FAM83G: variants seen among roughly 807,000 people sequenced by gnomAD.
FAM83G encodes the protein protein FAM83G.
Under a neutral mutation model 61.5 loss-of-function variants are expected in FAM83G, and 38 were observed. The ratio of observed to expected loss-of-function variants is 0.62; its 90% CI spans 0.48 to 0.81. The LOEUF (loss-of-function observed/expected upper bound fraction) is 0.81. FAM83G is among the 30% of genes least tolerant of loss of function. The pLI is 0.00. For synonymous variants in FAM83G, 470 were observed against 476.1 expected (o/e 0.99, Z 0.17); for missense variants, 989 against 1,133.6 (o/e 0.87, Z 1.83).
chr17:18,992,205 C>T (rs562110461), intron 2 of FAM83G, among the ~76,000 whole-genome samples: 31 of 152,268 alleles, frequency 2.0e-4, no homozygotes, highest in East Asian at 5.8e-4. Context: ...GTGGATCCGC[C>T]GGCCTTCTCC....
chr17:18,976,664 C>T lies in FAM83G; in HGVS notation c.2082+920G>A, dbSNP rs2042987585. ...GTGTACCTCGGCTCTCGCTGCTTGGCCTGCTGAAGTGAGCTCTCCTGGTGG... is the reference window on the plus strand; with the variant it reads ...GTGTACCTCGGCTCTCGCTGCTTGGTCTGCTGAAGTGAGCTCTCCTGGTGG... On this transcript the variant is annotated intron_variant, in intron 5 of 5. Transcript: ENST00000388995. The T allele has an allele frequency of 1.0e-5, 7 of 675,746 alleles. No homozygotes were observed. In the South Asian group the frequency reaches 1.5e-4, roughly 15 times the overall value. The allele number at this position is 675,746 out of a possible 1,614,324, so 41.9% of individuals were successfully genotyped here.
At chr17:18,998,765 G>A (rs1350865785) in intron 2 of FAM83G, among the ~76,000 whole-genome samples, 2 of 152,258 alleles carry the variant, frequency 1.3e-5, no homozygotes, top group African/African-American at 4.8e-5. Flanking sequence ...TCTCTGACCT[G>A]TGGTGGGAGC....
At position 18,969,247 on chromosome 17, in the gene FAM83G, A is replaced by G; in HGVS notation, c.*2112T>C. 6.3e-7 allele frequency: 1 copy of G among 1,576,996 alleles called. No individual in the cohort carries two copies. Among genetic ancestry groups the G allele is most frequent in the Non-Finnish European group, 8.7e-7 (1 of 1,154,688 alleles). On this transcript the variant is annotated 3_prime_UTR_variant, in exon 6 of 6. Transcript: ENST00000388995. ...CCCTACAGGCCCGAGGGAGCAGCCC[A>G]GGAAGTGGCCCCAGCAGGAGCCCCA...
At chr17:18,990,340 G>T (rs2043383628) in intron 2 of FAM83G, among the ~76,000 whole-genome samples, 1 of 152,084 alleles carries the variant, frequency 6.6e-6, no homozygotes, top group South Asian at 2.1e-4. Context: ...GGGCAGGGGT[G>T]TGTGGTGGTA....
At position 19,003,841 on chromosome 17, in the gene FAM83G, G is replaced by A. The variant is rs778972949; in HGVS notation, c.201C>T (p.Ile67=). The A allele has an allele frequency of 2.5e-5, 40 of 1,612,902 alleles. No individual in the cohort carries two copies. The highest frequency in any genetic ancestry group is 3.3e-5 in the Non-Finnish European group (39 of 1,179,938). The part of the protein sequence containing the change: ...DFLSELELKR[I]LETIEVYDPG... Reference sequence around the variant, plus strand: ...GGTCGTACACCTCGATGGTCTCCAGGATGCGCTTGAGCTCCAGCTCCGAGA... The same window carrying A: ...GGTCGTACACCTCGATGGTCTCCAGAATGCGCTTGAGCTCCAGCTCCGAGA... Residue 67 remains isoleucine, a synonymous_variant, in exon 2 of 6, where the codon ATC becomes ATT. Transcript: ENST00000388995. This position sits in a 1 kb window ranked among gnomAD's most constrained non-coding sequence, Gnocchi z 4.5.
At chr17:18,980,455 C>T (rs910383706) in intron 3 of FAM83G, among the ~76,000 whole-genome samples, 1 of 152,166 alleles carries the variant, frequency 6.6e-6, no homozygotes, top group Non-Finnish European at 1.5e-5. Flanking sequence ...GCACAGCGGG[C>T]CCCTCAACTG....
Position 18,978,258 on chromosome 17 carries a change from G to A in FAM83G, c.1408C>T (p.Pro470Ser). 1.9e-6 allele frequency: 3 copies of A among 1,606,076 alleles called. No homozygotes were observed. The highest frequency in any genetic ancestry group is 2.6e-6 in the Non-Finnish European group (3 of 1,175,762). Reference protein sequence around the residue: ...QLWKQSQDSRPRPEPCPPPEP... With the variant: ...QLWKQSQDSRSRPEPCPPPEP... ...GGGGGAGGGCAAGGCTCTGGACGGG[G>A]CCTGCTGTCCTGGCTCTGCTTCCAC... Residue 470 changes from proline to serine, a missense_variant, in exon 5 of 6, where the codon CCC (proline) becomes TCC (serine). Physicochemically the swap from Pro to Ser is moderately conservative, Grantham distance 74. Around this residue, in one of 3 missense-constraint regions of FAM83G, gnomAD observed 574 missense variants for 645.1 expected, o/e 0.89. Transcript: ENST00000388995.
At position 18,979,572 on chromosome 17, in the gene FAM83G, G is replaced by T; in HGVS notation, c.792C>A (p.Asp264Glu). ...LAQKFMFVDG[D>E]RAVCGSYSFT... ...ACCTGTAGGAGCCGCACACAGCCCGGTCTCCATCCACAAACATGAACTTCT... is the reference window on the plus strand; with the variant it reads ...ACCTGTAGGAGCCGCACACAGCCCGTTCTCCATCCACAAACATGAACTTCT... The change falls in exon 4 of 6, where the codon GAC becomes GAA. Residue 264 changes from aspartate to glutamate, a missense_variant. Transcript: ENST00000388995. 1.9e-6 allele frequency: 3 copies of T among 1,613,418 alleles called. No homozygotes were observed. The highest frequency in any genetic ancestry group is 2.5e-6 in the Non-Finnish European group (3 of 1,179,992).
At chr17:18,978,905 A>G in intron 4 of FAM83G, 55 bp from the exon 5 acceptor site, 1 of 1,585,576 alleles carries the variant, frequency 6.3e-7, no homozygotes, top group Non-Finnish European at 8.6e-7. Flanking sequence ...TCCTCCGCCC[A>G]GCCCCCGTGC....
intron 3 of FAM83G, 94 bp downstream of exon 3, chr17:18,988,153 C>T: frequency 2.2e-5 from 34 of 1,520,118 alleles, no homozygotes; most frequent in Non-Finnish European, 2.7e-5. Flanking sequence ...TGGCACAGGA[C>T]TCCGTCCAGA....
rs779965346 is a variant in FAM83G at position 18,978,124 on chromosome 17, A to G, written c.1542T>C (p.Asp514=). Residue 514 remains aspartate (D), a synonymous_variant, in exon 5 of 6, where the codon GAT becomes GAC. Transcript: ENST00000388995. ...VPKPRTVPVA[D]VLARDSSDIG... ...TATCACTGCTGTCCCGGGCTAGTAC[A>G]TCTGCCACAGGGACTGTCCGGGGCT... The G allele has an allele frequency of 6.6e-7, 1 of 1,518,002 alleles. No individual in the cohort carries two copies. The highest frequency in any genetic ancestry group is 8.8e-7 in the Non-Finnish European group (1 of 1,138,044). The allele number at this position is 1,518,002 out of a possible 1,614,324, so 94.0% of individuals were successfully genotyped here. A position where few individuals can be genotyped will look rare whatever the true frequency, so the allele number is the denominator to read the frequency against.
At position 19,004,664 on chromosome 17, in the gene FAM83G, C is replaced by G. The variant is rs1291425996; in HGVS notation, c.-129+45G>C. ...AAACGCGGTTGCGGGGCGGCGACGC[C>G]CCGCGAGACCCGGGATCCGGGGGGC... On this transcript the variant is annotated intron_variant, in intron 1 of 5. Transcript: ENST00000388995. The surrounding 1 kb of genome is among the most constrained non-coding windows in gnomAD (Gnocchi z 5.4). 1 of 151,644 alleles carries G rather than the reference C, an allele frequency of 6.6e-6. No individual in the cohort carries two copies. Among genetic ancestry groups the G allele is most frequent in the Non-Finnish European group, 1.5e-5 (1 of 67,814 alleles). The allele number at this position is 151,644 out of a possible 1,614,324, so 9.4% of individuals were successfully genotyped here.
At position 18,971,817 on chromosome 17, in the gene FAM83G, C is replaced by G; in HGVS notation, c.2083-69G>C. 1 of 1,494,190 alleles carries G rather than the reference C, an allele frequency of 6.7e-7. No homozygotes were observed. 92.6% of individuals were successfully genotyped at this position (1,494,190 alleles called of 1,614,324 possible). ...AACCCCGCCCCAGCACAGGACCCTGCTCAGGCACACAGGAGCCGGCAGGCC... is the reference window on the plus strand; with the variant it reads ...AACCCCGCCCCAGCACAGGACCCTGGTCAGGCACACAGGAGCCGGCAGGCC... On this transcript the variant is annotated intron_variant, in intron 5 of 5. Coordinates refer to ENST00000388995, the MANE Select transcript of FAM83G (RefSeq NM_001039999.3). This position sits in a 1 kb window ranked among gnomAD's most constrained non-coding sequence, Gnocchi z 5.5.
chr17:18,979,518 C>G (rs762325698), intron 4 of FAM83G, 31 bp downstream of exon 4: 1 of 1,610,396 alleles, frequency 6.2e-7, no homozygotes, highest in East Asian at 2.2e-5. Flanking sequence ...AGGTACCTCT[C>G]GCACAACTTC....
Position 18,970,649 on chromosome 17 carries a change from A to G in FAM83G, c.*710T>C, listed in dbSNP as rs544430486. 6 of 288,530 alleles carry G rather than the reference A, an allele frequency of 2.1e-5. No individual in the cohort carries two copies. Among genetic ancestry groups the G allele is most frequent in the African/African-American group, 1.1e-4 (5 of 46,436 alleles). The allele number at this position is 288,530 out of a possible 1,614,324, so 17.9% of individuals were successfully genotyped here. Reference sequence around the variant, plus strand: ...GGAAGGTCCTCAAATGTCAAGAAAAATTACTTTTGCTTCCTTGAATCGACA... The same window carrying G: ...GGAAGGTCCTCAAATGTCAAGAAAAGTTACTTTTGCTTCCTTGAATCGACA... On this transcript the variant is annotated 3_prime_UTR_variant, in exon 6 of 6. Transcript: ENST00000388995.
intron 3 of FAM83G, among the ~76,000 whole-genome samples, chr17:18,981,665 G>A (rs2043136312): frequency 6.6e-6 from 1 of 152,172 alleles, no homozygotes; most frequent in Admixed American, 6.5e-5. Flanking sequence ...GTGGGCCGTG[G>A]GTGAGTCCCC....
At position 18,978,818 on chromosome 17, in the gene FAM83G, T is replaced by G; in HGVS notation, c.848A>C (p.Asn283Thr). The G allele has an allele frequency of 6.2e-7, 1 of 1,612,778 alleles. No individual in the cohort carries two copies. Among genetic ancestry groups the G allele is most frequent in the Non-Finnish European group, 8.5e-7 (1 of 1,179,898 alleles). Residue 283 changes from asparagine (N) to threonine (T), a missense_variant, in exon 5 of 6, where the codon AAT becomes ACT. Physicochemically the swap from Asn to Thr is moderately conservative, Grantham distance 65. This residue lies in a region of FAM83G where 371 missense variants were observed against 404.5 expected (regional missense o/e 0.92). Coordinates refer to ENST00000388995, the MANE Select transcript of FAM83G (RefSeq NM_001039999.3). ...FTWSAARTDR[N>T]VISVLSGQVV... Reference sequence around the variant, plus strand: ...CTGGCCAGACAGCACAGAGATCACATTCCGGTCCGTCCGCGCGGCCGACCA... The same window carrying G: ...CTGGCCAGACAGCACAGAGATCACAGTCCGGTCCGTCCGCGCGGCCGACCA...
rs771410158 is a variant in FAM83G at position 18,996,586 on chromosome 17, G to C, written c.522+6934C>G. Among the ~76,000 whole-genome samples the C allele has an allele frequency of 6.6e-6, 1 of 152,074 alleles. No individual in the cohort carries two copies. Among genetic ancestry groups the C allele is most frequent in the Non-Finnish European group, 1.5e-5 (1 of 68,002 alleles). On this transcript the variant is annotated intron_variant, in intron 2 of 5. Coordinates refer to ENST00000388995, the MANE Select transcript of FAM83G (RefSeq NM_001039999.3). The surrounding 1 kb of genome is among the most constrained non-coding windows in gnomAD (Gnocchi z 4.4). ...CATCTTGCCTCCCAGGGTAAAGGGA[G>C]TCTGTGTACTTGGTAACAAATGCTG...
chr17:18,994,636 T>C (rs1462075212), intron 2 of FAM83G, among the ~76,000 whole-genome samples: 1 of 152,174 alleles, frequency 6.6e-6, no homozygotes, highest in Admixed American at 6.5e-5. Context: ...ATAGTGTATG[T>C]GCCCCCAGCC....
Sources: gnomAD v4.1 joint callset for allele counts (sites outside exome capture counted in the v4.1 genomes callset) on GRCh38, gnomAD v4.1.1 for gene constraint, gnomAD v4.1.1 regional missense constraint, Gnocchi (gnomAD v3.1) non-coding constraint, MANE v1.5 for transcripts, NCBI Gene and HGNC (gene_info 2026-07-23, HGNC 2026-07-21) for gene names.